The following HECTD4 variants were observed in gnomAD, a reference collection of about 807,000 sequenced individuals.
HECTD4 encodes the protein HECT domain E3 ubiquitin protein ligase 4.
A neutral mutation model predicts 471.5 loss-of-function variants in HECTD4; 114 were observed. That is an observed-to-expected ratio of 0.24 (90% confidence interval 0.21 to 0.28). The LOEUF (loss-of-function observed/expected upper bound fraction) is 0.28, where lower values mean the gene tolerates loss of function less well. HECTD4 is among the 10% of genes least tolerant of loss of function. HECTD4 has a pLI of 1.00. For missense variants in HECTD4, 3,866 were observed against 5,651.5 expected (o/e 0.68, Z 10.13); for synonymous variants, 2,012 against 2,256.0 (o/e 0.89, Z 3.07).
chr12:112,231,509 T>A lies in HECTD4; in HGVS notation c.6200+4A>T, dbSNP rs1566080874. 15 of 1,613,866 alleles carry A rather than the reference T, an allele frequency of 9.3e-6. No homozygotes were observed. The highest frequency in any genetic ancestry group is 1.2e-5 in the Non-Finnish European group (14 of 1,179,748). ...TGGACAGCTCCTACCTGTGGAAGGTTTACCTTGCAAGCTCCGAGTTCCTCT... is the reference window on the plus strand; with the variant it reads ...TGGACAGCTCCTACCTGTGGAAGGTATACCTTGCAAGCTCCGAGTTCCTCT... On this transcript the variant is annotated splice_donor_region_variant and intron_variant, in intron 39 of 75. Coordinates refer to ENST00000682272, the MANE Select transcript of HECTD4 (RefSeq NM_001388303.1).
chr12:112,264,272 ATCC>A, intron 16 of HECTD4, 60 bp from the exon 17 acceptor site: 1 of 1,342,558 alleles, frequency 7.4e-7, no homozygotes. Context: ...CGATCATGTA[ATCC>A]TCATGTTTTT....
intron 66 of HECTD4, 27 bp from the exon 67 acceptor site, chr12:112,172,888 G>A (rs756305167): frequency 3.1e-5 from 50 of 1,597,256 alleles, no homozygotes; most frequent in Non-Finnish European, 3.9e-5. Context: ...GGGGAGAGGG[G>A]CAAAGTGAGG....
intron 64 of HECTD4, among the ~76,000 whole-genome samples, chr12:112,177,377 ATTTTTT>A (rs766400935): frequency 7.9e-6 from 1 of 127,274 alleles, no homozygotes; most frequent in Non-Finnish European, 1.7e-5. Context: ...TTATGAGGCT[ATTTTTT>A]TTTTTTTTTT....
At chr12:112,269,109 G>A (rs1041053661) in intron 13 of HECTD4, among the ~76,000 whole-genome samples, 2 of 151,904 alleles carry the variant, frequency 1.3e-5, no homozygotes, top group Admixed American at 6.6e-5. Flanking sequence ...TCCTGACCTC[G>A]TGATCCGCCC....
intron 1 of HECTD4, among the ~76,000 whole-genome samples, chr12:112,339,052 T>C (rs2036006970): frequency 6.6e-6 from 1 of 152,118 alleles, no homozygotes; most frequent in Admixed American, 6.6e-5. Context: ...TTGCAGGGAC[T>C]AGCCTACAAT....
intron 45 of HECTD4, among the ~76,000 whole-genome samples, chr12:112,218,580 T>C (rs2032998841): frequency 6.6e-6 from 1 of 152,256 alleles, no homozygotes; most frequent in Admixed American, 6.5e-5. Flanking sequence ...CATATATCAA[T>C]ACCTCATTCC....
intron 58 of HECTD4, 21 bp from the exon 59 acceptor site, chr12:112,192,786 G>A (rs760767157): frequency 6.5e-7 from 1 of 1,548,740 alleles, no homozygotes; most frequent in Non-Finnish European, 8.8e-7. Context: ...GGGATGGGTG[G>A]GTGTTAATAC....
At chr12:112,250,059 TA>T (rs2033845645) in intron 25 of HECTD4, 84 bp downstream of exon 25, 2 of 933,484 alleles carry the variant, frequency 2.1e-6, no homozygotes, top group South Asian at 1.5e-5. Context: ...TTTCATTTAC[TA>T]GACCACAGAA....
Position 112,306,129 on chromosome 12 carries a change from G to A in HECTD4, c.1270C>T (p.Pro424Ser). Reference sequence around the variant, plus strand: ...GGTGTTTTCTCATTCAGGCTGGCAGGAGACCAGATCCAATAGAAGTAAGTG... The same window carrying A: ...GGTGTTTTCTCATTCAGGCTGGCAGAAGACCAGATCCAATAGAAGTAAGTG... ...DGTYFYWIWS[P>S]ASLNEKTPKG... is the part of the protein sequence containing the mutation. Residue 424 changes from proline to serine, a missense_variant, in exon 7 of 76, where the codon CCT (proline) becomes TCT (serine). Transcript: ENST00000682272. 6.2e-7 allele frequency: 1 copy of A among 1,613,102 alleles called. No individual in the cohort carries two copies. Among genetic ancestry groups the A allele is most frequent in the Non-Finnish European group, 8.5e-7 (1 of 1,179,622 alleles).
At chr12:112,364,748 T>C (rs991992455) in intron 1 of HECTD4, among the ~76,000 whole-genome samples, 1 of 152,128 alleles carries the variant, frequency 6.6e-6, no homozygotes, top group Admixed American at 6.6e-5. Flanking sequence ...AAAATAAAAA[T>C]TTTAAAAATA....
intron 6 of HECTD4, among the ~76,000 whole-genome samples, chr12:112,307,024 A>G (rs540032977): frequency 3.3e-5 from 5 of 152,324 alleles, no homozygotes; most frequent in South Asian, 4.1e-4. Flanking sequence ...GGCACTTAAA[A>G]TGACTGAACA....
intron 7 of HECTD4, among the ~76,000 whole-genome samples, chr12:112,291,648 G>A (rs191073989): frequency 7.9e-5 from 12 of 152,126 alleles, no homozygotes; most frequent in South Asian, 2.1e-4. Flanking sequence ...CGAGGCGGGC[G>A]GATCATGAGG....
At chr12:112,347,320 G>A (rs1311186248) in intron 1 of HECTD4, among the ~76,000 whole-genome samples, 1 of 152,020 alleles carries the variant, frequency 6.6e-6, no homozygotes, top group East Asian at 1.9e-4. Flanking sequence ...GACCAGCCTG[G>A]CCAACACGGC....
Position 112,243,710 on chromosome 12 carries a change from C to T in HECTD4, c.4701G>A (p.Ser1567=), listed in dbSNP as rs375665775. ...HRSSSFTLLQ[S]LAIEDSRDKP... is the part of the protein sequence containing the mutation. ...TGTCCCTGCTGTCCTCAATGGCCAG[C>T]GACTGCAGGAGTGTAAAGGAGCTGC... Residue 1567 remains serine (S), a synonymous_variant, in exon 31 of 76, where the codon TCG becomes TCA. Coordinates refer to ENST00000682272, the MANE Select transcript of HECTD4 (RefSeq NM_001388303.1). The surrounding 1 kb of genome is among the most constrained non-coding windows in gnomAD (Gnocchi z 6.6). 52 of 1,613,752 alleles carry T rather than the reference C, an allele frequency of 3.2e-5. No homozygotes were observed. The highest frequency in any genetic ancestry group is 2.1e-4 in the South Asian group (19 of 91,062).
intron 64 of HECTD4, among the ~76,000 whole-genome samples, chr12:112,176,988 T>C (rs2031474019): frequency 6.6e-6 from 1 of 152,240 alleles, no homozygotes. Flanking sequence ...AGGTAGCTGC[T>C]AGCCAGATGT....
Position 112,184,951 on chromosome 12 carries a change from T to C in HECTD4, c.10015A>G (p.Thr3339Ala). The change falls in exon 61 of 76, where the codon ACC becomes GCC. Residue 3339 changes from threonine to alanine, a missense_variant. Thr to Ala is a moderately conservative substitution (Grantham distance 58). Coordinates refer to ENST00000682272, the MANE Select transcript of HECTD4 (RefSeq NM_001388303.1). The surrounding 1 kb of genome is among the most constrained non-coding windows in gnomAD (Gnocchi z 9.1). ...TTGCTGCCTCCGATGCTGAGCACGG[T>C]GGGGTCCGAGTCCACGGTGCGGGAA... Reference protein sequence around the residue: ...QSSRTVDSDPTVLSIGGSKPE... With the variant: ...QSSRTVDSDPAVLSIGGSKPE... The C allele has an allele frequency of 6.2e-7, 1 of 1,613,692 alleles. No homozygotes were observed. Among genetic ancestry groups the C allele is most frequent in the Non-Finnish European group, 8.5e-7 (1 of 1,179,842 alleles).
chr12:112,352,354 A>G (rs1335766711), intron 1 of HECTD4, among the ~76,000 whole-genome samples: 2 of 135,324 alleles, frequency 1.5e-5, no homozygotes, highest in Non-Finnish European at 3.1e-5. Context: ...TTTTTTTTTG[A>G]GACAGAGTCT....
At chr12:112,208,701 T>C in intron 50 of HECTD4, 71 bp from the exon 51 acceptor site, 2 of 1,368,770 alleles carry the variant, frequency 1.5e-6, no homozygotes, top group South Asian at 3.4e-5. Context: ...TTCTCACCCT[T>C]AGACAAACCA....
At chr12:112,171,513 C>T (rs1349348264) in intron 67 of HECTD4, among the ~76,000 whole-genome samples, 1 of 152,204 alleles carries the variant, frequency 6.6e-6, no homozygotes, top group Admixed American at 6.5e-5. Context: ...CCCTCATCTA[C>T]CTTCAGGGCC....
Sources: gnomAD v4.1 joint callset for allele counts (sites outside exome capture counted in the v4.1 genomes callset) on GRCh38, gnomAD v4.1.1 for gene constraint, Gnocchi (gnomAD v3.1) non-coding constraint, MANE v1.5 for transcripts, NCBI Gene and HGNC (gene_info 2026-07-23, HGNC 2026-07-21) for gene names.